The following RTTN variants were observed in gnomAD, a reference collection of about 807,000 sequenced individuals.
RTTN encodes the protein rotatin.
A neutral mutation model predicts 269.2 loss-of-function variants in RTTN; 182 were observed. That is an observed-to-expected ratio of 0.68 (90% CI 0.60 to 0.76). The LOEUF is 0.76. Ranked by LOEUF, RTTN falls within the 30% of genes least tolerant of loss-of-function variation. The pLI, the probability that RTTN is intolerant of heterozygous loss-of-function variation, is 0.00. For missense variants in RTTN, 2,545 were observed against 2,608.6 expected, an observed-to-expected ratio of 0.98 and a Z score of 0.53; for synonymous variants, 1,006 against 963.5, an observed-to-expected ratio of 1.04 and a Z score of -0.82.
At chr18:70,036,567 G>A (rs1568276258) in intron 40 of RTTN, among the ~76,000 whole-genome samples, 1 of 152,144 alleles carries the variant, frequency 6.6e-6, no homozygotes, top group African/African-American at 2.4e-5. Context: ...GCAGGAGGGA[G>A]AGGATCAGAA....
At chr18:70,089,140 T>TACTGG (rs2058776628) in intron 30 of RTTN, among the ~76,000 whole-genome samples, 2 of 152,222 alleles carry the variant, frequency 1.3e-5, no homozygotes, top group Non-Finnish European at 2.9e-5. Context: ...GGGTGCTGTG[T>TACTGG]ACTGAACTGT....
At chr18:70,110,861 G>T (rs987315628) in intron 27 of RTTN, among the ~76,000 whole-genome samples, 1 of 152,232 alleles carries the variant, frequency 6.6e-6, no homozygotes, top group South Asian at 2.1e-4. Context: ...GACCTGGGAC[G>T]CTAGAGCTTG....
intron 46 of RTTN, among the ~76,000 whole-genome samples, chr18:70,011,983 G>A (rs2056390393): frequency 2.7e-5 from 4 of 149,432 alleles, no homozygotes; most frequent in Middle Eastern, 3.6e-3. Context: ...CACTGGTATT[G>A]GTTAGAGGGC....
intron 35 of RTTN, among the ~76,000 whole-genome samples, chr18:70,063,584 T>C (rs528561506): frequency 6.6e-6 from 1 of 152,124 alleles, no homozygotes; most frequent in African/African-American, 2.4e-5. Flanking sequence ...TAATGATAAA[T>C]CTTTGGAAAT....
intron 26 of RTTN, among the ~76,000 whole-genome samples, chr18:70,119,678 C>T (rs1317886630): frequency 6.6e-6 from 1 of 152,206 alleles, no homozygotes; most frequent in African/African-American, 2.4e-5. Context: ...CGCACCTCTA[C>T]AATTTGACTC....
chr18:70,198,265 C>G (rs891544762), intron 5 of RTTN, among the ~76,000 whole-genome samples: 2 of 152,132 alleles, frequency 1.3e-5, no homozygotes, highest in East Asian at 3.9e-4. Flanking sequence ...TCACTCCCCA[C>G]CCCAAAAAAA....
intron 40 of RTTN, among the ~76,000 whole-genome samples, chr18:70,043,903 G>A (rs980019396): frequency 6.6e-6 from 1 of 152,232 alleles, no homozygotes; most frequent in African/African-American, 2.4e-5. Flanking sequence ...CTGGAAGTGT[G>A]AGGAGCCTGG....
At chr18:70,160,657 GA>G (rs34101176) in intron 14 of RTTN, among the ~76,000 whole-genome samples, 76,157 of 106,042 alleles carry the variant, frequency 0.72, 26,208 homozygotes, top group East Asian at 0.86. Context: ...TTCTATACCT[GA>G]AAAAAAAAAA....
intron 33 of RTTN, among the ~76,000 whole-genome samples, chr18:70,074,602 T>A (rs61301082): frequency 0.82 from 124,932 of 152,018 alleles, 54,891 homozygotes; most frequent in East Asian, 1. Context: ...ATGTAAATAC[T>A]GTAAAATGTT....
chr18:70,093,737 C>T (rs960001934), intron 28 of RTTN, among the ~76,000 whole-genome samples: 1 of 152,110 alleles, frequency 6.6e-6, no homozygotes, highest in Non-Finnish European at 1.5e-5. Context: ...ATTGATGTTC[C>T]TCAGTGATAA....
intron 25 of RTTN, among the ~76,000 whole-genome samples, chr18:70,124,484 G>A (rs1263436335): frequency 1.3e-5 from 2 of 152,028 alleles, no homozygotes; most frequent in Non-Finnish European, 2.9e-5. Context: ...GAAGACCCTG[G>A]AGCTCAAGGA....
intron 10 of RTTN, among the ~76,000 whole-genome samples, chr18:70,184,233 C>T: frequency 6.6e-6 from 1 of 152,160 alleles, no homozygotes; most frequent in East Asian, 1.9e-4. Flanking sequence ...ACACTGACAA[C>T]TTCAAAACAA....
intron 40 of RTTN, chr18:70,031,455 T>C (rs771486389): frequency 1.3e-4 from 53 of 398,028 alleles, no homozygotes; most frequent in Non-Finnish European, 2.2e-4. Flanking sequence ...TTCGTTTCTA[T>C]GGTAACATGC....
At chr18:70,197,890 C>A in intron 5 of RTTN, 152 bp from the exon 6 acceptor site, 2 of 598,760 alleles carry the variant, frequency 3.3e-6, no homozygotes, top group East Asian at 2.9e-5. Context: ...TTTCCCTAAC[C>A]AATAAACAAC....
At chr18:70,109,084 A>G (rs1233332664) in intron 28 of RTTN, among the ~76,000 whole-genome samples, 1 of 152,206 alleles carries the variant, frequency 6.6e-6, no homozygotes, top group African/African-American at 2.4e-5. Context: ...AACTGGAAGA[A>G]AAAGAAAAAA....
chr18:70,115,973 A>C (rs772999630), intron 26 of RTTN, among the ~76,000 whole-genome samples: 6 of 152,018 alleles, frequency 3.9e-5, no homozygotes, highest in Admixed American at 3.9e-4. Context: ...TTTAACATCT[A>C]AATAGTTTTT....
In RTTN at chr18:70,128,694, T is replaced by C. The variant is rs1032627673; in HGVS notation, c.2955-148A>G. The C allele has an allele frequency of 1.0e-4, 65 of 622,550 alleles. No homozygotes were observed. The South Asian group carries it at 1.4e-3, about 13-fold the overall frequency. 38.6% of individuals were successfully genotyped at this position (622,550 alleles called of 1,614,324 possible). ...TAGTCCCTATTTTAAACAATTATCA[T>C]AATTTATACAGTATTTCAATTATTC... On this transcript the variant is annotated intron_variant, in intron 23 of 48. Transcript: ENST00000640769.
intron 11 of RTTN, among the ~76,000 whole-genome samples, chr18:70,176,384 T>A (rs1345896596): frequency 6.6e-6 from 1 of 152,134 alleles, no homozygotes; most frequent in Non-Finnish European, 1.5e-5. Flanking sequence ...ATCAATAAAT[T>A]ATTCACTGAA....
rs151203272 is a variant in RTTN, at chr18:70,190,723, C to T, written c.1008-4G>A. 3.1e-6 allele frequency: 5 copies of T among 1,588,596 alleles called. No individual in the cohort carries two copies. In the South Asian group the frequency reaches 3.3e-5, roughly 11 times the overall value. ...ATGAGCATGACTACTACTTCCACTG[C>T]AAGATAAACAAATGATAAACCTTGC... is the stretch of plus-strand genomic sequence containing the variant. On this transcript the variant is annotated splice_polypyrimidine_tract_variant and splice_region_variant and intron_variant, in intron 8 of 48. Transcript: ENST00000640769.
Sources: allele counts gnomAD v4.1 joint callset (sites outside exome capture counted in the v4.1 genomes callset), GRCh38; gene constraint gnomAD v4.1.1; transcripts MANE v1.5; gene names NCBI Gene and HGNC (gene_info 2026-07-23, HGNC 2026-07-21).